PRTG: variants seen among roughly 807,000 people sequenced by gnomAD.
PRTG encodes immunoglobulin superfamily, DCC subclass, member 5.
A neutral mutation model predicts 122.5 loss-of-function variants in PRTG; 67 were observed. The ratio of observed to expected loss-of-function variants is 0.55; its 90% confidence interval spans 0.45 to 0.67. The LOEUF (loss-of-function observed/expected upper bound fraction) is 0.67. Among genes scored for constraint, PRTG ranks in the 30% least tolerant of loss-of-function variants. The probability of loss-of-function intolerance (pLI) is 0.00; values close to 1 mark genes in which losing one functional copy is unlikely to be tolerated. For missense variants in PRTG, 1,435 were observed against 1,415.4 expected, an observed-to-expected ratio of 1.01 and a Z score of -0.22; for synonymous variants, 554 against 501.1, an observed-to-expected ratio of 1.11 and a Z score of -1.41.
rs745785498 is a variant in PRTG, at chr15:55,620,657, G to A, written c.3198+6C>T. On this transcript the variant is annotated splice_donor_region_variant and intron_variant, in intron 19 of 19. Transcript: ENST00000389286. The stretch of plus-strand genomic sequence containing the variant: ...GCCAAAAATTTTTCTCATTTAGATA[G>A]GTTACCTGCTCAACTTGTATCTTCT... 2.5e-6 allele frequency: 4 copies of A among 1,577,666 alleles called. No individual in the cohort carries two copies. The highest frequency in any genetic ancestry group is 1.2e-5 in the South Asian group (1 of 84,206).
chr15:55,620,015 G>C lies in PRTG; in HGVS notation c.3450C>G (p.Leu1150=), dbSNP rs1334766307. The change falls in exon 20 of 20, where the codon CTC becomes CTG. Residue 1150 remains leucine, a synonymous_variant. Transcript: ENST00000389286. ...TGAATCACTGCCAGTGAAAGAATCA[G>C]AGGTTGGGGGGTGTGGTACTTATAA... ...SSVISTTPPN[L] 1.2e-5 allele frequency: 20 copies of C among 1,614,054 alleles called. No homozygotes were observed. Among genetic ancestry groups the C allele is most frequent in the Non-Finnish European group, 1.7e-5 (20 of 1,179,960 alleles).
At chr15:55,682,520 A>G (rs778515581) in intron 3 of PRTG, 23 bp from the exon 4 acceptor site, 1 of 1,329,478 alleles carries the variant, frequency 7.5e-7, no homozygotes, top group East Asian at 2.7e-5. Context: ...AAAGATAATT[A>G]AACTTTTTGT....
At chr15:55,692,236 AAGCCAAGTACTTAG>A (rs2059607305) in intron 2 of PRTG, among the ~76,000 whole-genome samples, 1 of 152,104 alleles carries the variant, frequency 6.6e-6, no homozygotes, top group African/African-American at 2.4e-5. Flanking sequence ...GACCATCAAA[AAGCCAAGTACTTAG>A]AGGGAGAGAG....
At chr15:55,655,621 C>A (rs978583434) in intron 11 of PRTG, 1 of 152,086 alleles carries the variant, frequency 6.6e-6, no homozygotes, top group African/African-American at 2.4e-5. Flanking sequence ...TAAGACAGAA[C>A]TTTGGACAGT....
chr15:55,681,920 A>T (rs1197376938), intron 4 of PRTG, among the ~76,000 whole-genome samples: 1 of 152,300 alleles, frequency 6.6e-6, no homozygotes, highest in South Asian at 2.1e-4. Flanking sequence ...CCTGTTGAAA[A>T]TATTTTTTTA....
At chr15:55,639,231 C>T (rs922042171) in intron 13 of PRTG, among the ~76,000 whole-genome samples, 1 of 152,102 alleles carries the variant, frequency 6.6e-6, no homozygotes, top group African/African-American at 2.4e-5. Context: ...ACCTCAGCCC[C>T]CCCAAAATCA....
intron 11 of PRTG, 26 bp from the exon 12 acceptor site, chr15:55,641,234 T>A (rs778753998): frequency 6.6e-7 from 1 of 1,525,282 alleles, no homozygotes; most frequent in African/African-American, 1.4e-5. Flanking sequence ...TAGGAAATAA[T>A]TAGGACCAGG....
At chr15:55,620,564 G>C (rs1468646578) in intron 19 of PRTG, 99 bp downstream of exon 19, 39 of 1,458,828 alleles carry the variant, frequency 2.7e-5, no homozygotes, top group Non-Finnish European at 3.5e-5. Flanking sequence ...GAAGAACACA[G>C]AAAATTAAAA....
chr15:55,719,888 A>C (rs1442055511), intron 2 of PRTG, among the ~76,000 whole-genome samples: 1 of 148,420 alleles, frequency 6.7e-6, no homozygotes, highest in Admixed American at 6.7e-5. Context: ...GTGAAATCCC[A>C]CCTCTACTAA....
At chr15:55,626,944 G>GT in intron 17 of PRTG, 64 bp downstream of exon 17, 1 of 1,484,206 alleles carries the variant, frequency 6.7e-7, no homozygotes, top group Non-Finnish European at 9.0e-7. Flanking sequence ...ACTTTCATTT[G>GT]TTTCCTGTGG....
At chr15:55,650,413 A>G (rs1357576583) in intron 11 of PRTG, among the ~76,000 whole-genome samples, 1 of 152,170 alleles carries the variant, frequency 6.6e-6, no homozygotes, top group African/African-American at 2.4e-5. Context: ...TACAAGAAGC[A>G]TGGGGAAGAA....
chr15:55,689,550 G>A (rs1258703375), intron 2 of PRTG, among the ~76,000 whole-genome samples: 4 of 151,736 alleles, frequency 2.6e-5, no homozygotes, highest in African/African-American at 9.7e-5. Context: ...ATGAGTTGAT[G>A]GGTGCAGCAA....
At chr15:55,738,829 CAAG>C (rs1398599817) in intron 2 of PRTG, among the ~76,000 whole-genome samples, 1 of 126,756 alleles carries the variant, frequency 7.9e-6, no homozygotes, top group Non-Finnish European at 1.6e-5. Context: ...GGGAGAGAAA[CAAG>C]GAGGGAGAAT....
rs559748317 is a variant in PRTG, at chr15:55,680,033, T to A, written c.973+21A>T. 1.4e-5 allele frequency: 22 copies of A among 1,595,864 alleles called. No individual in the cohort carries two copies. The African/African-American group carries it at 2.0e-4, about 15-fold the overall frequency. On this transcript the variant is annotated intron_variant, in intron 6 of 19. Transcript: ENST00000389286. ...TGTTAAAATGTAAGATTCCCCTGAT[T>A]GCAGAATGAAAGGAACATACCTAAT... is the stretch of plus-strand genomic sequence containing the variant.
chr15:55,680,017 G>C (rs1345896663), intron 6 of PRTG, 37 bp downstream of exon 6: 1 of 1,567,218 alleles, frequency 6.4e-7, no homozygotes, highest in Non-Finnish European at 8.7e-7. Flanking sequence ...ATGTTAAAAT[G>C]TAAGATTCCC....
intron 11 of PRTG, among the ~76,000 whole-genome samples, chr15:55,650,451 G>C (rs2059347481): frequency 6.6e-6 from 1 of 152,102 alleles, no homozygotes; most frequent in Non-Finnish European, 1.5e-5. Flanking sequence ...AAGAGTATAA[G>C]CAAAGGTGTG....
At chr15:55,669,254 CAT>C (rs1406035672) in intron 11 of PRTG, among the ~76,000 whole-genome samples, 15 of 152,018 alleles carry the variant, frequency 9.9e-5, no homozygotes, top group African/African-American at 3.6e-4. Context: ...CTCAAATTGA[CAT>C]TGAATCAGCA....
chr15:55,682,420 G>A lies in PRTG; in HGVS notation c.620C>T (p.Ala207Val), dbSNP rs1420174326. 1 of 1,605,942 alleles carries A rather than the reference G, an allele frequency of 6.2e-7. No individual in the cohort carries two copies. Among genetic ancestry groups the A allele is most frequent in the Admixed American group, 1.7e-5 (1 of 59,350 alleles). Residue 207 changes from alanine to valine, a missense_variant, in exon 4 of 20, where the codon GCT becomes GTT. By Grantham distance (64) the Ala-to-Val change is moderately conservative. Transcript: ENST00000389286. ...QRDSGNYRCIAATVAHRRKSM... is the reference protein window; with the variant it reads ...QRDSGNYRCIVATVAHRRKSM... ...TTTACGTCGGTGGGCTACAGTGGCA[G>A]CAATACAACGATAATTTCCAGAATC...
intron 19 of PRTG, 103 bp downstream of exon 19, chr15:55,620,560 C>A (rs2059160542): frequency 6.9e-7 from 1 of 1,442,092 alleles, no homozygotes; most frequent in Non-Finnish European, 9.2e-7. Flanking sequence ...CCATGAAGAA[C>A]ACAGAAAATT....
Sources: allele counts gnomAD v4.1 joint callset (sites outside exome capture counted in the v4.1 genomes callset), GRCh38; gene constraint gnomAD v4.1.1; transcripts MANE v1.5; gene names NCBI Gene and HGNC (gene_info 2026-07-23, HGNC 2026-07-21).